Variants in TTLL3 observed in about 807,000 individuals in gnomAD.
TTLL3 encodes tubulin monoglycylase TTLL3.
A neutral mutation model predicts 75.2 loss-of-function variants in TTLL3; 63 were observed. The observed-to-expected ratio is 0.84, with a 90% confidence interval of 0.68 to 1.03. The LOEUF is 1.03. TTLL3 is among the 50% of genes least tolerant of loss of function. The pLI is 0.00. For missense variants in TTLL3, 997 were observed against 1,069.9 expected (o/e 0.93, Z 0.95); for synonymous variants, 393 against 418.5 (o/e 0.94, Z 0.74).
rs2079514584 is a variant in TTLL3 at position 9,813,233 on chromosome 3, G to A, written c.218-15G>A. The A allele has an allele frequency of 1.9e-6, 3 of 1,614,176 alleles. No individual in the cohort carries two copies. The highest frequency in any genetic ancestry group is 2.5e-6 in the Non-Finnish European group (3 of 1,179,982). ...GGGAGAGGAAACTCATCAGCTCTGG[G>A]CTCTGCATCCACAGAGGATGAAGAT... On this transcript the variant is annotated splice_polypyrimidine_tract_variant and intron_variant, in intron 3 of 13. Transcript: ENST00000685419.
In TTLL3 at chr3:9,827,121, C is replaced by A. The variant is rs1575402365; in HGVS notation, c.1128C>A (p.Thr376=). 1 of 1,614,224 alleles carries A rather than the reference C, an allele frequency of 6.2e-7. No individual in the cohort carries two copies. ...YIERPLLIFG[T]KFDLRQWFLV... Reference sequence around the variant, plus strand: ...AGCGGCCCCTCCTCATCTTTGGCACCAAGTTTGACCTCAGACAGTGGTTCC... The same window carrying A: ...AGCGGCCCCTCCTCATCTTTGGCACAAAGTTTGACCTCAGACAGTGGTTCC... Residue 376 remains threonine, a synonymous_variant, in exon 10 of 14, where the codon ACC becomes ACA. Transcript: ENST00000685419.
chr3:9,826,550 T>A (rs186193184), intron 9 of TTLL3, among the ~76,000 whole-genome samples: 1,528 of 152,058 alleles, frequency 0.01, 23 homozygotes, highest in African/African-American at 0.029. Context: ...CTGGCCAACA[T>A]GGTGAAACCC....
At chr3:9,817,901 T>G in intron 6 of TTLL3, 142 bp downstream of exon 6, 1 of 1,108,684 alleles carries the variant, frequency 9.0e-7, no homozygotes, top group Non-Finnish European at 1.3e-6. Context: ...CCCTCAATCC[T>G]TATCCTTCCC....
Position 9,829,155 on chromosome 3 carries a change from C to A in TTLL3, c.1443C>A (p.Thr481=). The A allele has an allele frequency of 6.2e-7, 1 of 1,614,236 alleles. No individual in the cohort carries two copies. The highest frequency in any genetic ancestry group is 8.5e-7 in the Non-Finnish European group (1 of 1,180,044). Residue 481 remains threonine (T), a synonymous_variant, in exon 11 of 14, where the codon ACC becomes ACA. Transcript: ENST00000685419. The part of the protein sequence containing the change: ...MKDAVIHALQ[T]SQDTVQCRKA... ...ATGCTGTGATCCACGCACTTCAGAC[C>A]TCCCAGGACACCGTGCAGTGTCGGA...
Position 9,835,767 on chromosome 3 carries a change from C to A in TTLL3, c.*278C>A. On this transcript the variant is annotated 3_prime_UTR_variant, in exon 14 of 14. Coordinates refer to ENST00000685419, the MANE Select transcript of TTLL3 (RefSeq NM_001387446.1). ...GCCAAGCTAGCAGAATGACACCTAC[C>A]GGGCATAGGAACGTTAATGCCATGA... 2.3e-6 allele frequency: 1 copy of A among 427,286 alleles called. No homozygotes were observed. The highest frequency in any genetic ancestry group is 4.1e-6 in the Non-Finnish European group (1 of 241,032). 26.5% of individuals were successfully genotyped at this position (427,286 alleles called of 1,614,324 possible).
chr3:9,830,063 G>A (rs1309287970), intron 11 of TTLL3, among the ~76,000 whole-genome samples: 3 of 152,048 alleles, frequency 2.0e-5, no homozygotes, highest in Non-Finnish European at 4.4e-5. Flanking sequence ...GGCTGGTCTC[G>A]AGCTCCTGAC....
chr3:9,825,363 G>A, intron 8 of TTLL3: 1 of 180,284 alleles, frequency 5.5e-6, no homozygotes, highest in Non-Finnish European at 1.2e-5. Context: ...AAGTCGGGGG[G>A]TAGGGGGTGG....
rs1026290015 is a variant in TTLL3 at position 9,815,994 on chromosome 3, T to G, written c.316-80T>G. On this transcript the variant is annotated intron_variant, in intron 4 of 13. Transcript: ENST00000685419. Reference sequence around the variant, plus strand: ...TCTCCTTCCTGTTCACCCACCCTGCTCAGCAGGGCAGGGAGAGGCTGCCTT... The same window carrying G: ...TCTCCTTCCTGTTCACCCACCCTGCGCAGCAGGGCAGGGAGAGGCTGCCTT... The G allele has an allele frequency of 3.2e-6, 4 of 1,243,272 alleles. No individual in the cohort carries two copies. The African/African-American group carries it at 6.2e-5, about 19-fold the overall frequency. The allele number at this position is 1,243,272 out of a possible 1,614,324, so 77.0% of individuals were successfully genotyped here.
chr3:9,818,650 C>G lies in TTLL3; in HGVS notation c.560-172C>G, dbSNP rs751515517. 1.2e-5 allele frequency: 18 copies of G among 1,457,588 alleles called. No individual in the cohort carries two copies. In the South Asian group the frequency reaches 2.2e-4, roughly 18 times the overall value. 90.3% of individuals were successfully genotyped at this position (1,457,588 alleles called of 1,614,324 possible). A position where few individuals can be genotyped will look rare whatever the true frequency, so the allele number is the denominator to read the frequency against. ...CCCAAAGTGCTGGGATTACAGGCGT[C>G]AGCCACCGTGACCAGCCTGAAACAG... On this transcript the variant is annotated intron_variant, in intron 6 of 13. Transcript: ENST00000685419.
intron 2 of TTLL3, among the ~76,000 whole-genome samples, chr3:9,811,143 C>T (rs2079317034): frequency 1.3e-5 from 2 of 152,206 alleles, no homozygotes; most frequent in African/African-American, 2.4e-5. Flanking sequence ...CCCCTGGCCC[C>T]TTCCCCAGGT....
chr3:9,825,595 T>G, intron 8 of TTLL3: 9 of 794,044 alleles, frequency 1.1e-5, no homozygotes, highest in East Asian at 5.6e-5. Context: ...GCCTTTCCCA[T>G]TTGTGTAGTC....
At chr3:9,809,901 G>A (rs571098829), upstream of TTLL3, 113 of 726,032 alleles carry the variant, frequency 1.6e-4, no homozygotes, top group Admixed American at 3.1e-3. Context: ...GGCTTGGAAC[G>A]GAGGACAAGG....
chr3:9,818,362 C>T (rs890228644), intron 6 of TTLL3: 1 of 168,642 alleles, frequency 5.9e-6, no homozygotes, highest in African/African-American at 2.4e-5. Flanking sequence ...ACAACTGAAA[C>T]AGGAGCAAGT....
chr3:9,823,783 G>A (rs1452307947), intron 8 of TTLL3, among the ~76,000 whole-genome samples: 1 of 152,216 alleles, frequency 6.6e-6, no homozygotes, highest in East Asian at 1.9e-4. Flanking sequence ...ATGCTAAGAT[G>A]TCACAGAGTT....
At chr3:9,835,057 T>A (rs2081955662) in intron 13 of TTLL3, 37 bp from the exon 14 acceptor site, 1 of 1,589,804 alleles carries the variant, frequency 6.3e-7, no homozygotes, top group Admixed American at 1.7e-5. Context: ...CACAGACTTC[T>A]GATCATCTCC....
Position 9,835,518 on chromosome 3 carries a change from G to A in TTLL3, c.*29G>A. On this transcript the variant is annotated 3_prime_UTR_variant, in exon 14 of 14. Transcript: ENST00000685419. ...CATCAGCAGCTCCTCCGTGCAGCGAGGCCCAGAATTCCCACCTAAGGACAG... is the reference window on the plus strand; with the variant it reads ...CATCAGCAGCTCCTCCGTGCAGCGAAGCCCAGAATTCCCACCTAAGGACAG... 2.6e-6 allele frequency: 4 copies of A among 1,539,888 alleles called. No homozygotes were observed. Among genetic ancestry groups the A allele is most frequent in the Non-Finnish European group, 3.5e-6 (4 of 1,147,652 alleles).
chr3:9,822,585 G>A (rs1047840609), intron 8 of TTLL3, among the ~76,000 whole-genome samples: 2 of 151,198 alleles, frequency 1.3e-5, no homozygotes, highest in South Asian at 4.2e-4. Context: ...GTGCAGTGGC[G>A]CAGTCTTGGC....
chr3:9,829,305 T>C lies in TTLL3; in HGVS notation c.1593T>C (p.Ala531=). ...CAGCAGTCACTGCCCGGCTCTGTGC[T>C]GGCGTGCAAGCTGACACCCTGCGCG... ...PSTAVTARLC[A]GVQADTLRVV... The change falls in exon 11 of 14, where the codon GCT becomes GCC. Residue 531 remains alanine, a synonymous_variant. Transcript: ENST00000685419. 6.2e-7 allele frequency: 1 copy of C among 1,613,984 alleles called. No homozygotes were observed. The highest frequency in any genetic ancestry group is 8.5e-7 in the Non-Finnish European group (1 of 1,179,952).
chr3:9,835,668 G>T lies in TTLL3; in HGVS notation c.*179G>T. On this transcript the variant is annotated 3_prime_UTR_variant, in exon 14 of 14. Transcript: ENST00000685419. Reference sequence around the variant, plus strand: ...GGAGGCATGGCTTACCCAAGATCACGTGGCAGTGAGTCGACGCAGGGACAT... The same window carrying T: ...GGAGGCATGGCTTACCCAAGATCACTTGGCAGTGAGTCGACGCAGGGACAT... 1 of 617,682 alleles carries T rather than the reference G, an allele frequency of 1.6e-6. No homozygotes were observed. The highest frequency in any genetic ancestry group is 2.9e-5 in the East Asian group (1 of 33,998). 38.3% of individuals were successfully genotyped at this position (617,682 alleles called of 1,614,324 possible).
Sources: allele counts gnomAD v4.1 joint callset (sites outside exome capture counted in the v4.1 genomes callset), GRCh38; gene constraint gnomAD v4.1.1; transcripts MANE v1.5; gene names NCBI Gene and HGNC (gene_info 2026-07-23, HGNC 2026-07-21).